The following PRKAR1B variants were observed in gnomAD, a reference collection of about 807,000 sequenced individuals.
PRKAR1B encodes cAMP-dependent protein kinase type I-beta regulatory subunit.
PRKAR1B carries 22 observed loss-of-function variants against 46.5 expected under a neutral mutation model. That is an observed-to-expected ratio of 0.47 (90% CI 0.34 to 0.68). PRKAR1B has a LOEUF of 0.68. Among genes scored for constraint, PRKAR1B ranks in the 30% least tolerant of loss-of-function variants. The pLI, the probability that PRKAR1B is intolerant of heterozygous loss-of-function variation, is 0.01. For synonymous variants in PRKAR1B, 259 were observed against 217.7 expected (o/e 1.19, Z -1.67); for missense variants, 445 against 535.6 (o/e 0.83, Z 1.67).
At chr7:679,705 A>G (rs1181670261) in intron 3 of PRKAR1B, among the ~76,000 whole-genome samples, 1 of 152,204 alleles carries the variant, frequency 6.6e-6, no homozygotes, top group African/African-American at 2.4e-5. Flanking sequence ...AATGGCTAAC[A>G]GGGTACTGGG....
chr7:657,256 A>AATGGACGGACGGATGGATGGATGGATGG (rs1785254610), intron 4 of PRKAR1B, among the ~76,000 whole-genome samples: 1 of 93,380 alleles, frequency 1.1e-5, no homozygotes, highest in Non-Finnish European at 2.2e-5. Flanking sequence ...TGGATGGATG[A>AATGGACGGACGGATGGATGGATGGATGG]ATGGACGGAC....
intron 2 of PRKAR1B, among the ~76,000 whole-genome samples, chr7:681,370 T>C (rs1245069304): frequency 6.6e-6 from 1 of 151,412 alleles, no homozygotes; most frequent in African/African-American, 2.4e-5. Context: ...TCACCTAAAG[T>C]TGCAGTTCCT....
At chr7:632,667 G>C (rs1190143048) in intron 4 of PRKAR1B, among the ~76,000 whole-genome samples, 1 of 152,200 alleles carries the variant, frequency 6.6e-6, no homozygotes. Context: ...CAGGGCACAG[G>C]GCGAGGCTGA....
At chr7:586,910 G>A (rs1280360744) in intron 7 of PRKAR1B, among the ~76,000 whole-genome samples, 2 of 135,596 alleles carry the variant, frequency 1.5e-5, no homozygotes, top group African/African-American at 5.5e-5. Flanking sequence ...TTTTGAGACA[G>A]TCTCACTCTG....
At chr7:579,500 G>T in intron 8 of PRKAR1B, 123 bp from the exon 9 acceptor site, 2 of 1,266,428 alleles carry the variant, frequency 1.6e-6, no homozygotes, top group South Asian at 1.4e-5. Context: ...CCAGCTCCGT[G>T]ACCAGTAAGC....
intron 2 of PRKAR1B, among the ~76,000 whole-genome samples, chr7:695,866 G>C (rs144151986): frequency 4.6e-5 from 7 of 151,504 alleles, no homozygotes; most frequent in African/African-American, 1.7e-4. Flanking sequence ...GGGTTTCAGC[G>C]TGTTAGCCAT....
chr7:584,446 G>T, intron 8 of PRKAR1B, 62 bp downstream of exon 8: 1 of 1,445,990 alleles, frequency 6.9e-7, no homozygotes, highest in Non-Finnish European at 9.7e-7. Context: ...GGAAGAGGCC[G>T]GGGTGGCCAG....
At chr7:683,421 T>C (rs113174274) in intron 2 of PRKAR1B, among the ~76,000 whole-genome samples, 1,607 of 152,190 alleles carry the variant, frequency 0.011, 17 homozygotes, top group Non-Finnish European at 0.018. Context: ...GTGGGTGAGG[T>C]GATCACCAGA....
chr7:645,529 G>C (rs1284359875), intron 4 of PRKAR1B, among the ~76,000 whole-genome samples: 1 of 152,162 alleles, frequency 6.6e-6, no homozygotes, highest in Non-Finnish European at 1.5e-5. Context: ...GCGAGCCCCT[G>C]TGGTCCCAGC....
intron 2 of PRKAR1B, among the ~76,000 whole-genome samples, chr7:697,677 G>GA (rs1322372468): frequency 6.6e-6 from 1 of 151,828 alleles, no homozygotes; most frequent in Non-Finnish European, 1.5e-5. Flanking sequence ...GGACCCATAA[G>GA]CCCACCTAGC....
rs2128464218 is a variant in PRKAR1B at position 606,256 on chromosome 7, A to C, written c.503-17T>G. ...CTTCATTCCCTGTAACAAAAGAAGA[A>C]AGTCAACAGATACAAAGTACATCCA... On this transcript the variant is annotated splice_polypyrimidine_tract_variant and intron_variant, in intron 5 of 10. Transcript: ENST00000537384. 1.2e-6 allele frequency: 2 copies of C among 1,611,616 alleles called. No homozygotes were observed. The highest frequency in any genetic ancestry group is 4.5e-5 in the East Asian group (2 of 44,850).
intron 4 of PRKAR1B, among the ~76,000 whole-genome samples, chr7:675,118 A>G (rs1786505180): frequency 6.6e-6 from 1 of 152,268 alleles, no homozygotes; most frequent in Non-Finnish European, 1.5e-5. Context: ...ACATCGGAGC[A>G]CGGAGAAATC....
chr7:561,675 T>C (rs1778807051), intron 9 of PRKAR1B, among the ~76,000 whole-genome samples: 1 of 152,218 alleles, frequency 6.6e-6, no homozygotes, highest in African/African-American at 2.4e-5. Flanking sequence ...CAAACTGTCC[T>C]CGGGACGACA....
At chr7:603,053 A>G (rs1461569087) in intron 6 of PRKAR1B, 1 of 152,208 alleles carries the variant, frequency 6.6e-6, no homozygotes, top group East Asian at 1.9e-4. Context: ...TCTCTTCCAC[A>G]TCTGTTCATT....
intron 9 of PRKAR1B, among the ~76,000 whole-genome samples, chr7:566,549 T>TCGCCTCCAC (rs1327039170): frequency 0.056 from 7,617 of 136,492 alleles, no homozygotes; most frequent in South Asian, 0.071. Flanking sequence ...ACCATCACCA[T>TCGCCTCCAC]CATTGTCATC....
At chr7:612,808 C>T (rs570798471) in intron 4 of PRKAR1B, among the ~76,000 whole-genome samples, 4 of 152,060 alleles carry the variant, frequency 2.6e-5, no homozygotes, top group East Asian at 3.9e-4. Flanking sequence ...TAATATTCAC[C>T]GAAGCACTGC....
At position 607,763 on chromosome 7, in the gene PRKAR1B, A is replaced by C. The variant is rs1466167027; in HGVS notation, c.441-311T>G. On this transcript the variant is annotated intron_variant, in intron 4 of 10. Transcript: ENST00000537384. ...TTTGAACTCCATTTAGAAAAACAAA[A>C]GTAACAATAGATTGTGAACATTCTC... The C allele has an allele frequency of 1.0e-5, 3 of 289,460 alleles. No individual in the cohort carries two copies. In the East Asian group the frequency reaches 2.7e-4, roughly 26 times the overall value. 17.9% of individuals were successfully genotyped at this position (289,460 alleles called of 1,614,324 possible).
At chr7:635,103 G>A (rs1483982674) in intron 4 of PRKAR1B, among the ~76,000 whole-genome samples, 1 of 152,226 alleles carries the variant, frequency 6.6e-6, no homozygotes, top group Non-Finnish European at 1.5e-5. Flanking sequence ...CAACGTTTCT[G>A]TGTGAACTAT....
At chr7:586,868 G>C (rs923352741) in intron 7 of PRKAR1B, among the ~76,000 whole-genome samples, 9 of 150,900 alleles carry the variant, frequency 6.0e-5, no homozygotes, top group African/African-American at 1.9e-4. Flanking sequence ...GGTGAAGGAG[G>C]GTCATTTATC....
Sources: gnomAD v4.1 joint callset for allele counts (sites outside exome capture counted in the v4.1 genomes callset) on GRCh38, gnomAD v4.1.1 for gene constraint, MANE v1.5 for transcripts, NCBI Gene and HGNC (gene_info 2026-07-23, HGNC 2026-07-21) for gene names.